Variants in DNM1 observed in about 807,000 individuals in gnomAD.
DNM1 encodes dynamin-1.
Under a neutral mutation model 104.6 loss-of-function variants are expected in DNM1, and 29 were observed. The observed-to-expected ratio is 0.28, with a 90% confidence interval of 0.21 to 0.38. The LOEUF is 0.38. Among genes scored for constraint, DNM1 ranks in the 10% least tolerant of loss-of-function variants. The pLI, the probability that DNM1 is intolerant of heterozygous loss-of-function variation, is 1.00. For missense variants in DNM1, 640 were observed against 1,189.4 expected, an observed-to-expected ratio of 0.54 and a Z score of 6.79; for synonymous variants, 445 against 475.8, an observed-to-expected ratio of 0.94 and a Z score of 0.84.
chr9:128,235,217 C>T (rs988379353), intron 11 of DNM1, among the ~76,000 whole-genome samples: 3 of 151,440 alleles, frequency 2.0e-5, no homozygotes, highest in African/African-American at 4.8e-5. Flanking sequence ...GCTTCCTGGC[C>T]GGGCGTGGTG....
Position 128,254,692 on chromosome 9 carries a change from C to T in DNM1, c.2573C>T (p.Pro858Leu). ...GQASPSRPESPRPPFDL is the reference protein window; with the variant it reads ...GQASPSRPESLRPPFDL ...GCAAGTCCATCCCGTCCTGAGAGCC[C>T]CAGGCCCCCCTTCGACCTCTAAACA... is the stretch of plus-strand genomic sequence containing the variant. Residue 858 changes from proline to leucine, a missense_variant, in exon 22 of 22, where the codon CCC becomes CTC. Coordinates refer to ENST00000372923, the MANE Select transcript of DNM1 (RefSeq NM_004408.4). This position sits in a 1 kb window ranked among gnomAD's most constrained non-coding sequence, Gnocchi z 6.1. The T allele has an allele frequency of 1.3e-6, 2 of 1,596,362 alleles. No individual in the cohort carries two copies. The highest frequency in any genetic ancestry group is 8.5e-7 in the Non-Finnish European group (1 of 1,179,742).
At position 128,254,159 on chromosome 9, in the gene DNM1, A is replaced by C. The variant is rs1588469303; in HGVS notation, c.2535-495A>C. ...TCAGAGGGTCCTGGGTTTTCTGAAC[A>C]CCCAGAGGGGCCTCCGGCGCTCCCT... is the stretch of plus-strand genomic sequence containing the variant. On this transcript the variant is annotated intron_variant, in intron 21 of 21. Coordinates refer to ENST00000372923, the MANE Select transcript of DNM1 (RefSeq NM_004408.4). This position sits in a 1 kb window ranked among gnomAD's most constrained non-coding sequence, Gnocchi z 6.1. 7.7e-7 allele frequency: 1 copy of C among 1,299,320 alleles called. No individual in the cohort carries two copies. The highest frequency in any genetic ancestry group is 9.7e-7 in the Non-Finnish European group (1 of 1,030,996). 80.5% of individuals were successfully genotyped at this position (1,299,320 alleles called of 1,614,324 possible).
chr9:128,246,545 C>T (rs1029068915), intron 16 of DNM1, 42 bp downstream of exon 16: 33 of 1,472,176 alleles, frequency 2.2e-5, no homozygotes, highest in Non-Finnish European at 2.7e-5. Context: ...AGCCCCAAAA[C>T]CACCCTCACT....
chr9:128,242,471 G>A (rs1044163240), intron 15 of DNM1, 126 bp downstream of exon 15: 36 of 596,718 alleles, frequency 6.0e-5, no homozygotes, highest in Non-Finnish European at 7.8e-5. Flanking sequence ...TCAAAGATCC[G>A]TGGGCAGGCT....
rs756526369 is a variant in DNM1, at chr9:128,243,389, C to T, written c.1671+1044C>T. Among the ~76,000 whole-genome samples, 3 of 152,016 alleles carry T rather than the reference C, an allele frequency of 2.0e-5. No individual in the cohort carries two copies. The highest frequency in any genetic ancestry group is 4.4e-5 in the Non-Finnish European group (3 of 67,998). On this transcript the variant is annotated intron_variant, in intron 15 of 21. Coordinates refer to ENST00000372923, the MANE Select transcript of DNM1 (RefSeq NM_004408.4). The surrounding 1 kb of genome is among the most constrained non-coding windows in gnomAD (Gnocchi z 4.0). ...CTGTTGGAGGCTACAGCATCCTCAA[C>T]GGGGGAGCGGGGCTCTGGGTGGGGC...
intron 20 of DNM1, 99 bp from the exon 21 acceptor site, chr9:128,250,626 G>C (rs984563820): frequency 7.7e-5 from 87 of 1,135,696 alleles, no homozygotes; most frequent in Non-Finnish European, 9.9e-5. Flanking sequence ...AGGGGCTTGC[G>C]TGCATGGGCG....
chr9:128,224,107 C>A lies in DNM1; in HGVS notation c.1197-144C>A. On this transcript the variant is annotated intron_variant, in intron 9 of 21. Coordinates refer to ENST00000372923, the MANE Select transcript of DNM1 (RefSeq NM_004408.4). The surrounding 1 kb of genome is among the most constrained non-coding windows in gnomAD (Gnocchi z 4.3). ...ATTAGAACCCCTCCCTCCCATTTTA[C>A]AACTGGGGACACTGAGGCCCAGAGA... The A allele has an allele frequency of 9.6e-7, 1 of 1,037,066 alleles. No individual in the cohort carries two copies. The highest frequency in any genetic ancestry group is 1.3e-6 in the Non-Finnish European group (1 of 741,656). The allele number at this position is 1,037,066 out of a possible 1,614,324, so 64.2% of individuals were successfully genotyped here.
At position 128,218,345 on chromosome 9, in the gene DNM1, C is replaced by T; in HGVS notation, c.235+41C>T. ...CACCAGCAGCCAGGCCTGCCCACTC[C>T]AGCCTCTCCCCCGTCCCCAAGCTGA... On this transcript the variant is annotated intron_variant, in intron 2 of 21. Transcript: ENST00000372923. The surrounding 1 kb of genome is among the most constrained non-coding windows in gnomAD (Gnocchi z 4.8). 2 of 1,604,854 alleles carry T rather than the reference C, an allele frequency of 1.2e-6. No homozygotes were observed. The highest frequency in any genetic ancestry group is 1.7e-6 in the Non-Finnish European group (2 of 1,171,548).
rs566514065 is a variant in DNM1 at position 128,211,518 on chromosome 9, T to C, written c.162-6713T>C. Among the ~76,000 whole-genome samples, 5 of 148,730 alleles carry C rather than the reference T, an allele frequency of 3.4e-5. No homozygotes were observed. The East Asian group carries it at 6.0e-4, about 18-fold the overall frequency. On this transcript the variant is annotated intron_variant, in intron 1 of 21. Transcript: ENST00000372923. ...TTTTTTCTGTACAGACAGGGTCTTG[T>C]TATGTTACCCAGGCTGGTCTCAAAC... is the stretch of plus-strand genomic sequence containing the variant.
chr9:128,254,561 GCGGCCGGC>G lies in DNM1; in HGVS notation c.2535-91_2535-84del, dbSNP rs1289119966. On this transcript the variant is annotated intron_variant, in intron 21 of 21. Coordinates refer to ENST00000372923, the MANE Select transcript of DNM1 (RefSeq NM_004408.4). This position sits in a 1 kb window ranked among gnomAD's most constrained non-coding sequence, Gnocchi z 6.1. ...CCGGCCCTCCCACCACTGCTGCGGC[GCGGCCGGC>G]CCCGGCCGTGTGCTGCGCTTGCCTT... The G allele has an allele frequency of 3.8e-6, 6 of 1,566,634 alleles. No individual in the cohort carries two copies. The Admixed American group carries it at 5.2e-5, about 14-fold the overall frequency.
rs1836216676 is a variant in DNM1 at position 128,239,368 on chromosome 9, T to G, written c.1423-77T>G. 5.4e-6 allele frequency: 6 copies of G among 1,109,424 alleles called. No homozygotes were observed. The Admixed American group carries it at 1.0e-4, about 19-fold the overall frequency. 68.7% of individuals were successfully genotyped at this position (1,109,424 alleles called of 1,614,324 possible). On this transcript the variant is annotated intron_variant, in intron 11 of 21. Coordinates refer to ENST00000372923, the MANE Select transcript of DNM1 (RefSeq NM_004408.4). The stretch of plus-strand genomic sequence containing the variant: ...ACCTCCTATATGTGCTGCAAGTACT[T>G]TTCTCCCAGCTTGCCCTGCATTTTA...
At chr9:128,208,648 G>A (rs1057332880) in intron 1 of DNM1, among the ~76,000 whole-genome samples, 1 of 152,174 alleles carries the variant, frequency 6.6e-6, no homozygotes. Flanking sequence ...TGTGTGCCAG[G>A]CCCTGAGGAT....
At position 128,203,660 on chromosome 9, in the gene DNM1, C is replaced by A. The variant is rs1182868206; in HGVS notation, c.161+29C>A. 3 of 1,487,508 alleles carry A rather than the reference C, an allele frequency of 2.0e-6. No homozygotes were observed. The highest frequency in any genetic ancestry group is 1.5e-5 in the African/African-American group (1 of 68,778). 92.1% of individuals were successfully genotyped at this position (1,487,508 alleles called of 1,614,324 possible). A position where few individuals can be genotyped will look rare whatever the true frequency, so the allele number is the denominator to read the frequency against. ...GGCGCGGCGCGCCCCCAGGCGCCGA[C>A]CCCCGACCCCCGGGATCCCTGGAGT... On this transcript the variant is annotated intron_variant, in intron 1 of 21. Coordinates refer to ENST00000372923, the MANE Select transcript of DNM1 (RefSeq NM_004408.4). The surrounding 1 kb of genome is among the most constrained non-coding windows in gnomAD (Gnocchi z 5.3).
chr9:128,219,898 G>A lies in DNM1; in HGVS notation c.590-90G>A, dbSNP rs142460934. 8.8e-4 allele frequency: 918 copies of A among 1,037,304 alleles called. 4 individuals are homozygous for A. The highest frequency in any genetic ancestry group is 1.2e-3 in the Non-Finnish European group (840 of 711,222). 64.3% of individuals were successfully genotyped at this position (1,037,304 alleles called of 1,614,324 possible). On this transcript the variant is annotated intron_variant, in intron 4 of 21. Coordinates refer to ENST00000372923, the MANE Select transcript of DNM1 (RefSeq NM_004408.4). Reference sequence around the variant, plus strand: ...GGAGGCAGTGAGCAGGCAGGGGGCCGAGGAGAGCAGGGGGATGGGAGTGGG... The same window carrying A: ...GGAGGCAGTGAGCAGGCAGGGGGCCAAGGAGAGCAGGGGGATGGGAGTGGG...
Position 128,218,333 on chromosome 9 carries a change from G to A in DNM1, c.235+29G>A, listed in dbSNP as rs947739383. ...CGTGCCCTCCTTCACCAGCAGCCAG[G>A]CCTGCCCACTCCAGCCTCTCCCCCG... On this transcript the variant is annotated intron_variant, in intron 2 of 21. Coordinates refer to ENST00000372923, the MANE Select transcript of DNM1 (RefSeq NM_004408.4). The surrounding 1 kb of genome is among the most constrained non-coding windows in gnomAD (Gnocchi z 4.8). 6.2e-7 allele frequency: 1 copy of A among 1,611,708 alleles called. No homozygotes were observed. Among genetic ancestry groups the A allele is most frequent in the African/African-American group, 1.3e-5 (1 of 74,856 alleles).
Position 128,233,254 on chromosome 9 carries a change from G to A in DNM1, c.1336-767G>A, listed in dbSNP as rs148698094. Among the ~76,000 whole-genome samples the A allele has an allele frequency of 1.3e-3, 202 of 152,328 alleles. 1 individual carries two copies. The highest frequency in any genetic ancestry group is 6.8e-3 in the Middle Eastern group (2 of 292). On this transcript the variant is annotated intron_variant, in intron 10 of 21. Coordinates refer to ENST00000372923, the MANE Select transcript of DNM1 (RefSeq NM_004408.4). Reference sequence around the variant, plus strand: ...CGAGACAGTGTGGCTGGCCAGAGCCGGGCAGATGTGGCTGGGGATGGTGGT... The same window carrying A: ...CGAGACAGTGTGGCTGGCCAGAGCCAGGCAGATGTGGCTGGGGATGGTGGT...
chr9:128,242,525 C>T (rs373691152), intron 15 of DNM1, among the ~76,000 whole-genome samples, 180 bp downstream of exon 15: 25 of 152,032 alleles, frequency 1.6e-4, no homozygotes, highest in Admixed American at 3.3e-4. Context: ...TTTGGGAGGC[C>T]GAGGCAGGTG....
Position 128,222,231 on chromosome 9 carries a change from G to A in DNM1, c.884G>A (p.Gly295Glu). 1 of 1,614,108 alleles carries A rather than the reference G, an allele frequency of 6.2e-7. No homozygotes were observed. The change falls in exon 7 of 22, where the codon GGG becomes GAG. Residue 295 changes from glycine to glutamate, a missense_variant. By Grantham distance (98) the Gly-to-Glu change is moderately conservative. This residue lies in a region of DNM1 where 81 missense variants were observed against 99.8 expected (regional missense o/e 0.81). Coordinates refer to ENST00000372923, the MANE Select transcript of DNM1 (RefSeq NM_004408.4). This position sits in a 1 kb window ranked among gnomAD's most constrained non-coding sequence, Gnocchi z 7.8. The stretch of plus-strand genomic sequence containing the variant: ...AACCACATCCGGGACACACTGCCGG[G>A]GCTGCGGAACAAGCTGCAGAGCCAG... ...LTNHIRDTLP[G>E]LRNKLQSQLL...
In DNM1 at chr9:128,253,814, G is replaced by A. The variant is rs1829677553; in HGVS notation, c.2535-840G>A. On this transcript the variant is annotated intron_variant, in intron 21 of 21. Coordinates refer to ENST00000372923, the MANE Select transcript of DNM1 (RefSeq NM_004408.4). The surrounding 1 kb of genome is among the most constrained non-coding windows in gnomAD (Gnocchi z 5.9). ...CGTCATAGCTGCTAGTGTGACTGAAGGCAGTGTCCCTGGCCCCAGCTGAAG... is the reference window on the plus strand; with the variant it reads ...CGTCATAGCTGCTAGTGTGACTGAAAGCAGTGTCCCTGGCCCCAGCTGAAG... The A allele has an allele frequency of 5.7e-6, 4 of 701,252 alleles. No individual in the cohort carries two copies. In the Admixed American group the frequency reaches 1.8e-4, roughly 31 times the overall value. 43.4% of individuals were successfully genotyped at this position (701,252 alleles called of 1,614,324 possible).
Sources: gnomAD v4.1 joint callset for allele counts (sites outside exome capture counted in the v4.1 genomes callset) on GRCh38, gnomAD v4.1.1 for gene constraint, gnomAD v4.1.1 regional missense constraint, Gnocchi (gnomAD v3.1) non-coding constraint, MANE v1.5 for transcripts, NCBI Gene and HGNC (gene_info 2026-07-23, HGNC 2026-07-21) for gene names.